TRIM66: variants seen among roughly 807,000 people sequenced by gnomAD.
TRIM66 encodes the protein tripartite motif containing 66.
Under a neutral mutation model 148.2 loss-of-function variants are expected in TRIM66, and 99 were observed. That is an observed-to-expected ratio of 0.67 (90% CI 0.57 to 0.79). The LOEUF (loss-of-function observed/expected upper bound fraction) is 0.79, where lower values mean the gene tolerates loss of function less well. Ranked by LOEUF, TRIM66 falls within the 30% of genes least tolerant of loss-of-function variation. The pLI is 0.00. For missense variants in TRIM66, 1,666 were observed against 1,697.9 expected, an observed-to-expected ratio of 0.98 and a Z score of 0.33; for synonymous variants, 616 against 635.9, an observed-to-expected ratio of 0.97 and a Z score of 0.47.
At position 8,682,612 on chromosome 11, in the gene TRIM66, A is replaced by C. The variant is rs565429099; in HGVS notation, c.-559T>G. The C allele has an allele frequency of 1.6e-6, 1 of 632,944 alleles. No homozygotes were observed. The highest frequency in any genetic ancestry group is 2.8e-6 in the Non-Finnish European group (1 of 353,680). The allele number at this position is 632,944 out of a possible 1,614,324, so 39.2% of individuals were successfully genotyped here. ...ACAACGAGCCTCACCGAAACCGTAC[A>C]CCGCCACCAGGACACTCCGTGATGG... On this transcript the variant is annotated 5_prime_UTR_variant, in exon 1 of 25. Coordinates refer to ENST00000646038, the MANE Select transcript of TRIM66 (RefSeq NM_001388022.1).
At chr11:8,637,734 T>C (rs1592084263) in intron 15 of TRIM66, among the ~76,000 whole-genome samples, 2 of 150,880 alleles carry the variant, frequency 1.3e-5, no homozygotes, top group Admixed American at 6.6e-5. Flanking sequence ...GCTGGGAGAG[T>C]TCAGAACACC....
At chr11:8,649,565 C>A (rs906349266) in intron 8 of TRIM66, among the ~76,000 whole-genome samples, 175 bp downstream of exon 8, 2 of 152,156 alleles carry the variant, frequency 1.3e-5, no homozygotes, top group African/African-American at 4.8e-5. Context: ...CAGGGAGGGA[C>A]GAGAGTGAGT....
intron 1 of TRIM66, among the ~76,000 whole-genome samples, chr11:8,681,173 G>A (rs1037098983): frequency 2.0e-5 from 3 of 148,752 alleles, no homozygotes; most frequent in Non-Finnish European, 3.0e-5. Flanking sequence ...TCGTTCTGTC[G>A]CCCAGGCTGC....
chr11:8,637,769 G>C (rs752680007), intron 15 of TRIM66, among the ~76,000 whole-genome samples: 52 of 152,288 alleles, frequency 3.4e-4, no homozygotes, highest in Non-Finnish European at 4.0e-4. Context: ...GTCCAGGGCT[G>C]GGTGGAGGCA....
chr11:8,635,854 C>T (rs929769874), intron 15 of TRIM66, among the ~76,000 whole-genome samples: 9 of 152,186 alleles, frequency 5.9e-5, no homozygotes, highest in African/African-American at 1.7e-4. Context: ...GCATGTATGT[C>T]GCTCAGCTCC....
At chr11:8,636,486 T>C (rs191208755) in intron 15 of TRIM66, among the ~76,000 whole-genome samples, 212 of 152,194 alleles carry the variant, frequency 1.4e-3, no homozygotes, top group African/African-American at 4.9e-3. Flanking sequence ...ATTCAAAACT[T>C]AACTTCTTCC....
rs1309884856 is a variant in TRIM66, at chr11:8,624,694, G to A, written c.2826+19C>T. 7 of 1,485,380 alleles carry A rather than the reference G, an allele frequency of 4.7e-6. No homozygotes were observed. Among genetic ancestry groups the A allele is most frequent in the Non-Finnish European group, 6.3e-6 (7 of 1,114,908 alleles). 92.0% of individuals were successfully genotyped at this position (1,485,380 alleles called of 1,614,324 possible). On this transcript the variant is annotated intron_variant, in intron 16 of 24. Coordinates refer to ENST00000646038, the MANE Select transcript of TRIM66 (RefSeq NM_001388022.1). ...ATGATGAACAAAGGAAGTTTGGATA[G>A]CATTTCCCCAGGACTTACCTTACAC...
intron 12 of TRIM66, 24 bp from the exon 13 acceptor site, chr11:8,643,150 T>G (rs374798637): frequency 5.2e-6 from 8 of 1,543,082 alleles, no homozygotes; most frequent in African/African-American, 4.1e-5. Context: ...CAAAGGTCAT[T>G]TATTTGGGCA....
At chr11:8,646,604 G>A (rs761042609) in intron 10 of TRIM66, 43 bp from the exon 11 acceptor site, 29 of 1,466,560 alleles carry the variant, frequency 2.0e-5, no homozygotes, top group Non-Finnish European at 2.7e-5. Flanking sequence ...TTTCCTCATG[G>A]ACTATATGAA....
intron 9 of TRIM66, 124 bp from the exon 10 acceptor site, chr11:8,648,210 G>A: frequency 8.6e-7 from 1 of 1,169,366 alleles, no homozygotes; most frequent in African/African-American, 1.5e-5. Flanking sequence ...TGACTTCTAG[G>A]GAAAGTCTAA....
rs116683715 is a variant in TRIM66, at chr11:8,676,711, C to A, written c.-189-1828G>T. Among the ~76,000 whole-genome samples the A allele has an allele frequency of 8.7e-3, 1,318 of 152,294 alleles. 20 individuals are homozygous for A. Among genetic ancestry groups the A allele is most frequent in the African/African-American group, 0.03 (1,238 of 41,542 alleles). On this transcript the variant is annotated intron_variant, in intron 3 of 24. Coordinates refer to ENST00000646038, the MANE Select transcript of TRIM66 (RefSeq NM_001388022.1). ...GGGTCAAATGACCCCATTTCTGCCC[C>A]CTTCTTATGGCTGCTTTCATCATAA...
rs149559842 is a variant in TRIM66 at position 8,677,539 on chromosome 11, G to A, written c.-190+2081C>T. Among the ~76,000 whole-genome samples the A allele has an allele frequency of 2.1e-4, 32 of 152,286 alleles. No homozygotes were observed. The East Asian group carries it at 4.2e-3, about 20-fold the overall frequency. ...CATGCCTGTAATCCCAGTGCTTTGG[G>A]AGGGCGAGGTAGGAGGGCTGCTTGA... On this transcript the variant is annotated intron_variant, in intron 3 of 24. Transcript: ENST00000646038.
intron 6 of TRIM66, among the ~76,000 whole-genome samples, chr11:8,665,149 A>C (rs2038509251): frequency 6.6e-6 from 1 of 151,794 alleles, no homozygotes; most frequent in South Asian, 2.1e-4. Flanking sequence ...GCCCAGATTC[A>C]CAGAAAGAGG....
At chr11:8,646,405 G>A (rs750057589) in intron 11 of TRIM66, 42 bp downstream of exon 11, 94 of 1,506,604 alleles carry the variant, frequency 6.2e-5, no homozygotes, top group Non-Finnish European at 8.5e-5. Flanking sequence ...ATATATGGAT[G>A]GTTTCTGAAC....
intron 21 of TRIM66, 104 bp from the exon 22 acceptor site, chr11:8,620,228 G>A (rs2034075054): frequency 7.6e-7 from 1 of 1,309,904 alleles, no homozygotes; most frequent in South Asian, 1.4e-5. Context: ...CCCACAGGAT[G>A]CCAGCTGCCA....
chr11:8,665,354 C>T (rs1183289977), intron 6 of TRIM66, among the ~76,000 whole-genome samples: 1 of 152,212 alleles, frequency 6.6e-6, no homozygotes, highest in Non-Finnish European at 1.5e-5. Context: ...ATTCTTTTGA[C>T]CCTTCAGAAA....
chr11:8,626,217 T>C (rs771111163), intron 15 of TRIM66, among the ~76,000 whole-genome samples: 22 of 152,298 alleles, frequency 1.4e-4, no homozygotes, highest in Non-Finnish European at 2.8e-4. Flanking sequence ...AAGTTTCATA[T>C]CCCTGCCCTT....
intron 18 of TRIM66, among the ~76,000 whole-genome samples, chr11:8,622,365 C>CACACACATATATATATATATATATAT: frequency 4.0e-4 from 24 of 59,600 alleles, no homozygotes; most frequent in Middle Eastern, 8.3e-3. Flanking sequence ...CACACACACA[C>CACACACATATATATATATATATATAT]ATATATATAT....
At chr11:8,622,750 T>C (rs2034423739) in intron 18 of TRIM66, 66 bp downstream of exon 18, 1 of 1,414,578 alleles carries the variant, frequency 7.1e-7, no homozygotes, top group Non-Finnish European at 9.8e-7. Context: ...GGATGCTTCA[T>C]CCCTGTGCCA....
Sources: gnomAD v4.1 joint callset for allele counts (sites outside exome capture counted in the v4.1 genomes callset) on GRCh38, gnomAD v4.1.1 for gene constraint, MANE v1.5 for transcripts, NCBI Gene and HGNC (gene_info 2026-07-23, HGNC 2026-07-21) for gene names.